Variants in NDST3 observed in about 807,000 individuals in gnomAD.
NDST3 encodes the protein N-deacetylase and N-sulfotransferase 3.
In NDST3, 58 loss-of-function variants were observed where a neutral mutation model predicts 96.1. That is an observed-to-expected ratio of 0.60 (90% CI 0.49 to 0.75). The LOEUF is 0.75. Ranked by LOEUF, NDST3 falls within the 30% of genes least tolerant of loss-of-function variation. The probability of loss-of-function intolerance (pLI) is 0.00; values close to 1 mark genes in which losing one functional copy is unlikely to be tolerated. For missense variants in NDST3, 788 were observed against 1,034.2 expected, an observed-to-expected ratio of 0.76 and a Z score of 3.27; for synonymous variants, 333 against 359.7, an observed-to-expected ratio of 0.93 and a Z score of 0.84.
At chr4:118,205,283 T>C (rs911967711) in intron 6 of NDST3, among the ~76,000 whole-genome samples, 2 of 144,416 alleles carry the variant, frequency 1.4e-5, no homozygotes, top group Non-Finnish European at 3.1e-5. Context: ...ATATACACAA[T>C]ATTTATACTA....
intron 13 of NDST3, among the ~76,000 whole-genome samples, chr4:118,254,592 T>C (rs1330182978): frequency 6.6e-6 from 1 of 152,200 alleles, no homozygotes; most frequent in African/African-American, 2.4e-5. Flanking sequence ...GATTTACTAA[T>C]AATATTTTTA....
intron 2 of NDST3, among the ~76,000 whole-genome samples, chr4:118,074,280 C>A (rs961838510): frequency 6.6e-6 from 1 of 152,064 alleles, no homozygotes; most frequent in Non-Finnish European, 1.5e-5. Flanking sequence ...CTGTAGATAT[C>A]TATTAGGTCC....
intron 2 of NDST3, among the ~76,000 whole-genome samples, chr4:118,098,510 C>T (rs1191084418): frequency 2.0e-5 from 3 of 151,994 alleles, no homozygotes; most frequent in African/African-American, 7.2e-5. Context: ...CTTTTCCCCA[C>T]TAACCTGTCA....
chr4:118,109,056 T>C (rs879879167), intron 3 of NDST3, among the ~76,000 whole-genome samples: 1 of 152,208 alleles, frequency 6.6e-6, no homozygotes, highest in Admixed American at 6.5e-5. Flanking sequence ...GAACTTTCTC[T>C]TTATGTGCAG....
intron 6 of NDST3, among the ~76,000 whole-genome samples, chr4:118,150,323 C>T (rs565225739): frequency 7.2e-5 from 11 of 152,162 alleles, no homozygotes; most frequent in South Asian, 2.1e-4. Context: ...GACATAAGCA[C>T]GGGCAAGGAC....
chr4:118,126,901 T>A lies in NDST3; in HGVS notation c.1225-11153T>A, dbSNP rs149376672. Among the ~76,000 whole-genome samples, 1,379 of 152,214 alleles carry A rather than the reference T, an allele frequency of 9.1e-3. 25 individuals are homozygous for A. The highest frequency in any genetic ancestry group is 0.082 in the Middle Eastern group (24 of 294). Reference sequence around the variant, plus strand: ...AAAAGCCATTTTAACTGGGGTGAGATGACATCTCATTATAGTTTTGATTTG... The same window carrying A: ...AAAAGCCATTTTAACTGGGGTGAGAAGACATCTCATTATAGTTTTGATTTG... On this transcript the variant is annotated intron_variant, in intron 4 of 13. Transcript: ENST00000296499.
chr4:118,249,071 C>T (rs1741491494), intron 12 of NDST3, among the ~76,000 whole-genome samples: 1 of 152,220 alleles, frequency 6.6e-6, no homozygotes. Context: ...CCCAGCATGA[C>T]ACCTGCTGCA....
intron 6 of NDST3, among the ~76,000 whole-genome samples, chr4:118,215,636 G>C (rs1739148152): frequency 6.6e-6 from 1 of 152,060 alleles, no homozygotes; most frequent in African/African-American, 2.4e-5. Context: ...CAGTGGAGAG[G>C]ACTGAAAATA....
chr4:118,075,038 C>T (rs1308848582), intron 2 of NDST3, among the ~76,000 whole-genome samples: 1 of 152,076 alleles, frequency 6.6e-6, no homozygotes, highest in East Asian at 1.9e-4. Context: ...TCTCTTAATG[C>T]TATCCCTTCC....
At chr4:118,132,861 G>C (rs1214203883) in intron 4 of NDST3, among the ~76,000 whole-genome samples, 1 of 152,104 alleles carries the variant, frequency 6.6e-6, no homozygotes, top group Non-Finnish European at 1.5e-5. Flanking sequence ...TTCTCTCCAG[G>C]AGCTAGGGCC....
chr4:118,091,846 C>A (rs984906454), intron 2 of NDST3, among the ~76,000 whole-genome samples: 35 of 151,672 alleles, frequency 2.3e-4, no homozygotes, highest in Non-Finnish European at 4.7e-4. Flanking sequence ...ATTTTATAAT[C>A]TCTACTATGT....
intron 6 of NDST3, among the ~76,000 whole-genome samples, chr4:118,150,282 C>T (rs538673128): frequency 1.2e-3 from 182 of 152,210 alleles, no homozygotes; most frequent in Middle Eastern, 6.8e-3. Context: ...CCATAAAAAC[C>T]CTAGAAGAAA....
chr4:118,078,045 T>C (rs182590664), intron 2 of NDST3, among the ~76,000 whole-genome samples: 3 of 152,270 alleles, frequency 2.0e-5, no homozygotes, highest in Non-Finnish European at 4.4e-5. Context: ...GTGTGGGGGA[T>C]GGAGCGGGCA....
At chr4:118,196,316 T>C (rs1019815584) in intron 6 of NDST3, among the ~76,000 whole-genome samples, 1 of 152,180 alleles carries the variant, frequency 6.6e-6, no homozygotes, top group Non-Finnish European at 1.5e-5. Flanking sequence ...CTTTTTTTGA[T>C]GTGTCTATGT....
chr4:118,067,610 G>A (rs891758297), intron 2 of NDST3, among the ~76,000 whole-genome samples: 4 of 152,066 alleles, frequency 2.6e-5, no homozygotes, highest in African/African-American at 9.7e-5. Flanking sequence ...AAAAAGTTAT[G>A]TTTACCTAAG....
chr4:118,038,547 C>T (rs1365806161), intron 1 of NDST3, among the ~76,000 whole-genome samples: 1 of 152,132 alleles, frequency 6.6e-6, no homozygotes, highest in Non-Finnish European at 1.5e-5. Flanking sequence ...TTCTTACTTG[C>T]CTACCACAGC....
At chr4:118,106,117 T>C (rs1003872455) in intron 3 of NDST3, among the ~76,000 whole-genome samples, 2 of 152,160 alleles carry the variant, frequency 1.3e-5, no homozygotes, top group African/African-American at 4.8e-5. Flanking sequence ...TTGAGGAGTA[T>C]CTGGGTTTTC....
chr4:118,037,424 G>A (rs927781397), intron 1 of NDST3, among the ~76,000 whole-genome samples: 2 of 152,132 alleles, frequency 1.3e-5, no homozygotes, highest in Admixed American at 6.6e-5. Flanking sequence ...GGCACTGAGC[G>A]GTTACCTACC....
At chr4:118,073,230 CTGATCT>C (rs1482611345) in intron 2 of NDST3, among the ~76,000 whole-genome samples, 3 of 152,036 alleles carry the variant, frequency 2.0e-5, no homozygotes, top group Admixed American at 2.0e-4. Flanking sequence ...CAGAATGATG[CTGATCT>C]CATAAGATAA....
Sources: allele counts gnomAD v4.1 joint callset (sites outside exome capture counted in the v4.1 genomes callset), GRCh38; gene constraint gnomAD v4.1.1; transcripts MANE v1.5; gene names NCBI Gene and HGNC (gene_info 2026-07-23, HGNC 2026-07-21).